The following DIPK1A variants were observed in gnomAD, a reference collection of about 807,000 sequenced individuals.
DIPK1A encodes family with sequence similarity 69 member A.
Under a neutral mutation model 40.8 loss-of-function variants are expected in DIPK1A, and 27 were observed. The ratio of observed to expected loss-of-function variants is 0.66; its 90% confidence interval spans 0.49 to 0.91. The LOEUF (loss-of-function observed/expected upper bound fraction) is 0.91. Ranked by LOEUF, DIPK1A falls within the 40% of genes least tolerant of loss-of-function variation. The probability of loss-of-function intolerance (pLI) is 0.00; values close to 1 mark genes in which losing one functional copy is unlikely to be tolerated. For missense variants in DIPK1A, 412 were observed against 505.7 expected, an observed-to-expected ratio of 0.81 and a Z score of 1.78; for synonymous variants, 166 against 171.3, an observed-to-expected ratio of 0.97 and a Z score of 0.24.
intron 1 of DIPK1A, 124 bp downstream of exon 1, chr1:92,961,252 G>A (rs1218418755): frequency 4.4e-4 from 227 of 511,610 alleles, no homozygotes; most frequent in Non-Finnish European, 6.0e-4. Context: ...ACGGCAGGGG[G>A]CAGCGGGGTT....
chr1:92,846,842 T>C lies in DIPK1A; in HGVS notation c.474+341A>G, dbSNP rs1167794763. The stretch of plus-strand genomic sequence containing the variant: ...ATATATATATATATATATATATATA[T>C]GTGTGTATATATATATGTGTGTATA... On this transcript the variant is annotated intron_variant, in intron 4 of 4. Transcript: ENST00000370310. Among the ~76,000 whole-genome samples, 3 of 1,190 alleles carry C rather than the reference T, an allele frequency of 2.5e-3. No homozygotes were observed. In the African/African-American group the frequency reaches 0.031, roughly 12 times the overall value. 0.8% of individuals were successfully genotyped at this position (1,190 alleles called of 152,430 possible).
chr1:92,883,261 A>C (rs1648458685), intron 1 of DIPK1A, among the ~76,000 whole-genome samples: 1 of 152,240 alleles, frequency 6.6e-6, no homozygotes, highest in African/African-American at 2.4e-5. Flanking sequence ...TATAGGAGGA[A>C]GATGCAACCT....
intron 2 of DIPK1A, among the ~76,000 whole-genome samples, chr1:92,868,632 CTTGTTT>C (rs1327942659): frequency 1.3e-5 from 2 of 152,044 alleles, no homozygotes; most frequent in African/African-American, 2.4e-5. Flanking sequence ...TATTTATTTA[CTTGTTT>C]TTGTTTTTAA....
chr1:92,876,152 G>T (rs1425487758), intron 2 of DIPK1A, 144 bp downstream of exon 2: 9 of 492,970 alleles, frequency 1.8e-5, no homozygotes, highest in Middle Eastern at 1.1e-3. Context: ...TTACTAATGG[G>T]TCATGTCAAA....
rs181801314 is a variant in DIPK1A at position 92,842,859 on chromosome 1, G to A, written c.*524C>T. 5.5e-5 allele frequency: 54 copies of A among 985,590 alleles called. No individual in the cohort carries two copies. Among genetic ancestry groups the A allele is most frequent in the Middle Eastern group, 5.2e-4 (1 of 1,914 alleles). The allele number at this position is 985,590 out of a possible 1,614,324, so 61.1% of individuals were successfully genotyped here. On this transcript the variant is annotated 3_prime_UTR_variant, in exon 5 of 5. Transcript: ENST00000370310. ...TGTCTGAATGAGGTTAAAAATGGGT[G>A]TATAAGTCTTTAATACAGTAAACCA...
intron 1 of DIPK1A, among the ~76,000 whole-genome samples, chr1:92,908,618 G>C (rs1480930456): frequency 6.6e-6 from 1 of 152,196 alleles, no homozygotes; most frequent in Non-Finnish European, 1.5e-5. Context: ...TACCTCTTAA[G>C]ACAAGTTAGA....
intron 1 of DIPK1A, among the ~76,000 whole-genome samples, chr1:92,940,495 A>G (rs930421922): frequency 6.6e-6 from 1 of 152,216 alleles, no homozygotes; most frequent in Non-Finnish European, 1.5e-5. Context: ...CTTAACAGAC[A>G]AATGCCAAGT....
At chr1:92,890,088 GATTT>G (rs1427818958) in intron 1 of DIPK1A, among the ~76,000 whole-genome samples, 1 of 151,984 alleles carries the variant, frequency 6.6e-6, no homozygotes, top group African/African-American at 2.4e-5. Context: ...TTGTAAATGG[GATTT>G]CTTTCTTAAT....
chr1:92,922,333 C>CTTTT (rs368331487), intron 1 of DIPK1A, among the ~76,000 whole-genome samples: 7 of 144,642 alleles, frequency 4.8e-5, no homozygotes, highest in African/African-American at 7.6e-5. Flanking sequence ...TTTTTCTTTT[C>CTTTT]TTTTTTTTTT....
At chr1:92,874,220 C>A (rs1385119129) in intron 2 of DIPK1A, among the ~76,000 whole-genome samples, 1 of 152,138 alleles carries the variant, frequency 6.6e-6, no homozygotes, top group African/African-American at 2.4e-5. Context: ...CTAATTTACT[C>A]ATGACAGAAT....
Position 92,836,393 on chromosome 1 carries a change from GTAAGAATACTATT to G in DIPK1A, c.475-3372_475-3360del, listed in dbSNP as rs2100685123. ...ATGGAGGCTTGTCTATCCCTCACAG[GTAAGAATACTATT>G]TAAGACCTTGGTGCCTGGACCGTGG... On this transcript the variant is annotated intron_variant, in intron 4 of 4. Transcript: ENST00000615519. 6.2e-7 allele frequency: 1 copy of G among 1,613,824 alleles called. No homozygotes were observed.
intron 1 of DIPK1A, among the ~76,000 whole-genome samples, chr1:92,944,860 C>A (rs866498673): frequency 1.2e-4 from 19 of 152,210 alleles, no homozygotes; most frequent in African/African-American, 4.6e-4. Flanking sequence ...CTGGCTGAAA[C>A]TCCTGGGCTC....
At chr1:92,945,306 G>T (rs1651318003) in intron 1 of DIPK1A, among the ~76,000 whole-genome samples, 1 of 151,888 alleles carries the variant, frequency 6.6e-6, no homozygotes, top group Admixed American at 6.6e-5. Flanking sequence ...AAAAAGGAAG[G>T]AAAAAAGACA....
chr1:92,834,176 T>C (rs1291717533), intron 4 of DIPK1A, among the ~76,000 whole-genome samples: 1 of 152,150 alleles, frequency 6.6e-6, no homozygotes, highest in Non-Finnish European at 1.5e-5. Flanking sequence ...AAGAATAGGG[T>C]TTGTCCTGAT....
intron 4 of DIPK1A, chr1:92,836,158 G>T: frequency 6.3e-7 from 1 of 1,587,034 alleles, no homozygotes. Flanking sequence ...TTGAATAATT[G>T]AAACCAGCAT....
chr1:92,862,360 C>T (rs530520089), intron 2 of DIPK1A, among the ~76,000 whole-genome samples: 2 of 152,306 alleles, frequency 1.3e-5, no homozygotes, highest in Admixed American at 1.3e-4. Flanking sequence ...GTGGAAGGTG[C>T]CATCAACCAC....
At position 92,893,339 on chromosome 1, in the gene DIPK1A, G is replaced by T. The variant is rs541103355; in HGVS notation, c.55-16909C>A. Among the ~76,000 whole-genome samples the T allele has an allele frequency of 2.3e-4, 35 of 151,816 alleles. No homozygotes were observed. The East Asian group carries it at 6.0e-3, about 26-fold the overall frequency. On this transcript the variant is annotated intron_variant, in intron 1 of 4. Transcript: ENST00000370310. ...CTCTACAAGCCAGAAGAGAGTGGGGGCCAATATTCAACATGCTTAAAGAAA... is the reference window on the plus strand; with the variant it reads ...CTCTACAAGCCAGAAGAGAGTGGGGTCCAATATTCAACATGCTTAAAGAAA...
chr1:92,833,547 G>A (rs1351630493), intron 4 of DIPK1A: 1 of 1,613,320 alleles, frequency 6.2e-7, no homozygotes, highest in Non-Finnish European at 8.5e-7. Context: ...TCTTTCAGAG[G>A]GTAAAACTGA....
intron 2 of DIPK1A, among the ~76,000 whole-genome samples, chr1:92,865,946 C>G (rs1201038081): frequency 2.0e-5 from 3 of 152,102 alleles, no homozygotes; most frequent in Admixed American, 6.5e-5. Flanking sequence ...TTAGAATTTA[C>G]TACAAAAAGA....
Sources: allele counts gnomAD v4.1 joint callset (sites outside exome capture counted in the v4.1 genomes callset), GRCh38; gene constraint gnomAD v4.1.1; transcripts MANE v1.5; gene names NCBI Gene and HGNC (gene_info 2026-07-23, HGNC 2026-07-21).